The following FAM171A1 variants were observed in gnomAD, a reference collection of about 807,000 sequenced individuals.
FAM171A1 encodes family with sequence similarity 171 member A1.
In FAM171A1, 23 loss-of-function variants were observed where a neutral mutation model predicts 74.9. The observed-to-expected ratio is 0.31, with a 90% CI of 0.22 to 0.44. The LOEUF (loss-of-function observed/expected upper bound fraction) is 0.44, where lower values mean the gene tolerates loss of function less well. Among genes scored for constraint, FAM171A1 ranks in the 20% least tolerant of loss-of-function variants. FAM171A1 has a pLI of 1.00. For synonymous variants in FAM171A1, 527 were observed against 505.7 expected (o/e 1.04, Z -0.57); for missense variants, 1,162 against 1,159.2 (o/e 1.00, Z -0.03).
At chr10:15,338,684 G>C (rs997534902) in intron 1 of FAM171A1, among the ~76,000 whole-genome samples, 2 of 152,092 alleles carry the variant, frequency 1.3e-5, no homozygotes, top group African/African-American at 2.4e-5. Context: ...CCCCAGCACC[G>C]ACAGTTAGCT....
intron 4 of FAM171A1, among the ~76,000 whole-genome samples, chr10:15,253,679 C>T (rs941168929): frequency 5.8e-4 from 89 of 152,276 alleles, no homozygotes; most frequent in African/African-American, 2.1e-3. Flanking sequence ...AGCCAAGTAT[C>T]CCTGGGAAAT....
At chr10:15,281,563 G>A (rs923214128) in intron 2 of FAM171A1, among the ~76,000 whole-genome samples, 1 of 152,156 alleles carries the variant, frequency 6.6e-6, no homozygotes, top group Non-Finnish European at 1.5e-5. Flanking sequence ...TGACTCATTT[G>A]TAATAGTACA....
intron 3 of FAM171A1, among the ~76,000 whole-genome samples, chr10:15,262,134 G>A (rs1834665671): frequency 6.6e-6 from 1 of 152,124 alleles, no homozygotes; most frequent in Admixed American, 6.5e-5. Flanking sequence ...CAATCAATGA[G>A]TTTGGATTTG....
At chr10:15,351,805 A>G (rs1273676657) in intron 1 of FAM171A1, among the ~76,000 whole-genome samples, 2 of 152,030 alleles carry the variant, frequency 1.3e-5, no homozygotes, top group African/African-American at 4.8e-5. Context: ...TGTAATCTCA[A>G]CACTTCTAGG....
At chr10:15,267,201 G>A (rs1283873609) in intron 3 of FAM171A1, among the ~76,000 whole-genome samples, 1 of 152,252 alleles carries the variant, frequency 6.6e-6, no homozygotes, top group African/African-American at 2.4e-5. Context: ...GCATGGCAAT[G>A]CTGTGGGCAC....
At chr10:15,272,211 A>T (rs1392650187) in intron 3 of FAM171A1, among the ~76,000 whole-genome samples, 2 of 152,108 alleles carry the variant, frequency 1.3e-5, no homozygotes, top group African/African-American at 4.8e-5. Context: ...CAAACAGAAA[A>T]CAAACAAACA....
rs544366282 is a variant in FAM171A1, at chr10:15,267,915, G to C, written c.418+7940C>G. ...TGCTGCTCCCCAAGAGTGAGGGACA[G>C]TAAAACCACACATTGCCTCCTTCAG... On this transcript the variant is annotated intron_variant, in intron 3 of 7. Transcript: ENST00000378116. Among the ~76,000 whole-genome samples the C allele has an allele frequency of 2.0e-5, 3 of 152,228 alleles. No individual in the cohort carries two copies. The South Asian group carries it at 6.2e-4, about 32-fold the overall frequency.
At chr10:15,310,473 T>C (rs1835347021) in intron 1 of FAM171A1, among the ~76,000 whole-genome samples, 1 of 152,166 alleles carries the variant, frequency 6.6e-6, no homozygotes, top group African/African-American at 2.4e-5. Context: ...GTGACCAACC[T>C]GGCCCCTCTC....
At chr10:15,269,556 G>C (rs1216237243) in intron 3 of FAM171A1, among the ~76,000 whole-genome samples, 1 of 152,082 alleles carries the variant, frequency 6.6e-6, no homozygotes, top group African/African-American at 2.4e-5. Flanking sequence ...GAGCAGGAGG[G>C]GCAAGATCAT....
At chr10:15,287,637 T>C (rs1259329994) in intron 1 of FAM171A1, among the ~76,000 whole-genome samples, 1 of 151,952 alleles carries the variant, frequency 6.6e-6, no homozygotes, top group African/African-American at 2.4e-5. Context: ...CTGCCCGCCT[T>C]GGCCTCCCAA....
Position 15,318,016 on chromosome 10 carries a change from A to T in FAM171A1, c.98-33911T>A, listed in dbSNP as rs563338153. 2.7e-4 allele frequency among the ~76,000 whole-genome samples: 41 copies of T among 152,256 alleles called. 1 individual carries two copies. The South Asian group carries it at 8.3e-3, about 31-fold the overall frequency. ...CACTATGTTGCCCAGGTTGGTCTTG[A>T]ACTCTTGGGCTCAAGTGATCCTCCC... On this transcript the variant is annotated intron_variant, in intron 1 of 7. Transcript: ENST00000378116.
chr10:15,254,126 A>T (rs1452301706), intron 4 of FAM171A1, among the ~76,000 whole-genome samples: 3 of 152,356 alleles, frequency 2.0e-5, no homozygotes, highest in Non-Finnish European at 4.4e-5. Flanking sequence ...GTGCAGAGAA[A>T]GAAACGATGT....
chr10:15,214,138 C>T lies in FAM171A1; in HGVS notation c.1450G>A (p.Asp484Asn). 1 of 1,614,144 alleles carries T rather than the reference C, an allele frequency of 6.2e-7. No individual in the cohort carries two copies. Among genetic ancestry groups the T allele is most frequent in the Non-Finnish European group, 8.5e-7 (1 of 1,180,034 alleles). Reference protein sequence around the residue: ...REGYESSGNDDYRGSYNTVLS... With the variant: ...REGYESSGNDNYRGSYNTVLS... ...ACGGTGTTGTAACTACCCCTGTAGT[C>T]ATCATTGCCCGAGGACTCGTAGCCT... Residue 484 changes from aspartate (D) to asparagine (N), a missense_variant, in exon 8 of 8, where the codon GAC (aspartate) becomes AAC (asparagine). Transcript: ENST00000378116.
intron 1 of FAM171A1, among the ~76,000 whole-genome samples, chr10:15,329,968 C>T (rs1278579304): frequency 6.6e-6 from 1 of 152,154 alleles, no homozygotes; most frequent in African/African-American, 2.4e-5. Context: ...TTGTGGAATG[C>T]ATTTAAGATA....
At chr10:15,238,370 C>A (rs1834321828) in intron 5 of FAM171A1, among the ~76,000 whole-genome samples, 1 of 152,188 alleles carries the variant, frequency 6.6e-6, no homozygotes, top group Non-Finnish European at 1.5e-5. Context: ...TATCCCCTAC[C>A]AGAGAGGTGC....
intron 1 of FAM171A1, among the ~76,000 whole-genome samples, chr10:15,328,920 TG>T (rs199592065): frequency 0.012 from 1,828 of 152,302 alleles, 34 homozygotes; most frequent in African/African-American, 0.041. Flanking sequence ...TATGTCATCC[TG>T]GCAAACATGC....
intron 1 of FAM171A1, among the ~76,000 whole-genome samples, chr10:15,369,446 C>T (rs559089100): frequency 6.6e-6 from 1 of 152,140 alleles, no homozygotes; most frequent in Admixed American, 6.5e-5. Flanking sequence ...ATCTAATGTC[C>T]TAAACATTCG....
intron 1 of FAM171A1, among the ~76,000 whole-genome samples, chr10:15,356,670 G>C (rs1489006675): frequency 6.6e-6 from 1 of 152,076 alleles, no homozygotes; most frequent in Non-Finnish European, 1.5e-5. Flanking sequence ...GAATGATATG[G>C]GATAAATGGA....
intron 2 of FAM171A1, among the ~76,000 whole-genome samples, chr10:15,280,788 G>T (rs1049027702): frequency 6.6e-6 from 1 of 152,298 alleles, no homozygotes; most frequent in Non-Finnish European, 1.5e-5. Flanking sequence ...CCAGTTATCT[G>T]CAATACCAGA....
Sources: allele counts gnomAD v4.1 joint callset (sites outside exome capture counted in the v4.1 genomes callset), GRCh38; gene constraint gnomAD v4.1.1; transcripts MANE v1.5; gene names NCBI Gene and HGNC (gene_info 2026-07-23, HGNC 2026-07-21).